Variants in SORCS1 observed in about 807,000 individuals in gnomAD.
The protein encoded by SORCS1 is sortilin related VPS10 domain containing receptor 1, also known as VPS10 domain-containing receptor SorCS1.
SORCS1 carries 60 observed loss-of-function variants against 146.1 expected under a neutral mutation model. The ratio of observed to expected loss-of-function variants is 0.41; its 90% CI spans 0.33 to 0.51. SORCS1 has a LOEUF of 0.51. SORCS1 is among the 20% of genes least tolerant of loss of function. The pLI, the probability that SORCS1 is intolerant of heterozygous loss-of-function variation, is 0.21. For synonymous variants in SORCS1, 637 were observed against 584.0 expected (o/e 1.09, Z -1.31); for missense variants, 1,352 against 1,487.6 (o/e 0.91, Z 1.50).
chr10:106,930,272 ACT>A (rs1471422825), intron 2 of SORCS1, among the ~76,000 whole-genome samples: 1 of 151,482 alleles, frequency 6.6e-6, no homozygotes. Context: ...ACAGAGCGAG[ACT>A]CTGTCTCTAA....
chr10:106,805,054 A>G (rs1229090667), intron 3 of SORCS1, among the ~76,000 whole-genome samples: 1 of 151,970 alleles, frequency 6.6e-6, no homozygotes, highest in Non-Finnish European at 1.5e-5. Flanking sequence ...ATAACCTTTT[A>G]AGCCCTCCTG....
intron 1 of SORCS1, among the ~76,000 whole-genome samples, chr10:107,079,184 C>T (rs1963130981): frequency 6.6e-6 from 1 of 151,598 alleles, no homozygotes; most frequent in Non-Finnish European, 1.5e-5. Context: ...TGAGATTGCG[C>T]CACTGCACTC....
chr10:106,664,397 C>T (rs1366210443), intron 17 of SORCS1, among the ~76,000 whole-genome samples: 1 of 152,156 alleles, frequency 6.6e-6, no homozygotes, highest in African/African-American at 2.4e-5. Flanking sequence ...AATCCCAGCA[C>T]TTTGGGAGGC....
rs192312970 is a variant in SORCS1, at chr10:106,923,111, G to A, written c.626+33402C>T. On this transcript the variant is annotated intron_variant, in intron 2 of 25. Transcript: ENST00000263054. ...TCACGATGTTGGCCAGGATGGTCTCGATCTCTTGACCTCGTGATCCGCCCG... is the reference window on the plus strand; with the variant it reads ...TCACGATGTTGGCCAGGATGGTCTCAATCTCTTGACCTCGTGATCCGCCCG... Among the ~76,000 whole-genome samples, 837 of 152,186 alleles carry A rather than the reference G, an allele frequency of 5.5e-3. 5 individuals are homozygous for A. Among genetic ancestry groups the A allele is most frequent in the Middle Eastern group, 0.014 (4 of 294 alleles).
chr10:106,827,166 A>T lies in SORCS1; in HGVS notation c.726+2408T>A, dbSNP rs1948342166. On this transcript the variant is annotated intron_variant, in intron 3 of 25. Transcript: ENST00000263054. ...TCTGGATCATCACCATATATTCTGC[A>T]GCTACAGAAAAGCCTATAGTCAGAT... 2.0e-5 allele frequency among the ~76,000 whole-genome samples: 3 copies of T among 150,088 alleles called. No individual in the cohort carries two copies. The South Asian group carries it at 6.3e-4, about 32-fold the overall frequency.
chr10:106,775,645 A>G (rs931952074), intron 4 of SORCS1, among the ~76,000 whole-genome samples: 1 of 152,216 alleles, frequency 6.6e-6, no homozygotes, highest in Admixed American at 6.5e-5. Flanking sequence ...TTTCTAATTC[A>G]TGATCCCTCT....
intron 18 of SORCS1, among the ~76,000 whole-genome samples, chr10:106,643,458 AG>A (rs1297055636): frequency 6.6e-6 from 1 of 152,232 alleles, no homozygotes; most frequent in East Asian, 1.9e-4. Context: ...TTTTTCTGCA[AG>A]GAGGAGTCTG....
At chr10:106,726,570 C>T (rs1479295603) in intron 6 of SORCS1, among the ~76,000 whole-genome samples, 2 of 151,872 alleles carry the variant, frequency 1.3e-5, no homozygotes, top group African/African-American at 4.8e-5. Flanking sequence ...GCGTCATGTG[C>T]ATTGGATGCC....
chr10:106,577,368 A>G lies in SORCS1; in HGVS notation c.*52T>C, dbSNP rs1186083956. 1 of 1,612,982 alleles carries G rather than the reference A, an allele frequency of 6.2e-7. No individual in the cohort carries two copies. Among genetic ancestry groups the G allele is most frequent in the Non-Finnish European group, 8.5e-7 (1 of 1,179,340 alleles). On this transcript the variant is annotated 3_prime_UTR_variant, in exon 26 of 26. Coordinates refer to ENST00000263054, the MANE Select transcript of SORCS1 (RefSeq NM_052918.5). ...CATGAAGGATGATGTACTTGACAAGAGCGAAATTCTTTCCTGATCAGCAGG... is the reference window on the plus strand; with the variant it reads ...CATGAAGGATGATGTACTTGACAAGGGCGAAATTCTTTCCTGATCAGCAGG...
intron 2 of SORCS1, among the ~76,000 whole-genome samples, chr10:106,872,661 A>G (rs1950453841): frequency 6.6e-6 from 1 of 152,210 alleles, no homozygotes; most frequent in Non-Finnish European, 1.5e-5. Context: ...AAGCTTTACC[A>G]ATATAAGCAG....
At chr10:106,748,967 A>T (rs932960875) in intron 5 of SORCS1, among the ~76,000 whole-genome samples, 12 of 152,238 alleles carry the variant, frequency 7.9e-5, no homozygotes, top group African/African-American at 2.9e-4. Context: ...TTTTGGGGAA[A>T]GTTATTTATC....
At chr10:106,978,570 C>G (rs1017576629) in intron 1 of SORCS1, among the ~76,000 whole-genome samples, 2 of 152,022 alleles carry the variant, frequency 1.3e-5, no homozygotes, top group African/African-American at 4.8e-5. Context: ...GAGGCCGAGG[C>G]AGGCAGATCA....
chr10:106,833,211 C>A (rs1415879721), intron 2 of SORCS1, among the ~76,000 whole-genome samples: 1 of 152,126 alleles, frequency 6.6e-6, no homozygotes, highest in South Asian at 2.1e-4. Flanking sequence ...TTTTTTGGTG[C>A]CATCACTTGT....
intron 4 of SORCS1, among the ~76,000 whole-genome samples, chr10:106,773,152 A>T (rs573469558): frequency 6.6e-6 from 1 of 152,362 alleles, no homozygotes; most frequent in Non-Finnish European, 1.5e-5. Flanking sequence ...GATAATACTA[A>T]GTAAGATCCT....
chr10:106,976,620 C>T (rs562571220), intron 1 of SORCS1, among the ~76,000 whole-genome samples: 3 of 151,750 alleles, frequency 2.0e-5, no homozygotes, highest in East Asian at 1.9e-4. Context: ...CGTGAGCCAC[C>T]GCGCCCGGCT....
At chr10:106,873,920 G>A (rs1950508686) in intron 2 of SORCS1, among the ~76,000 whole-genome samples, 1 of 152,206 alleles carries the variant, frequency 6.6e-6, no homozygotes, top group Admixed American at 6.5e-5. Flanking sequence ...AGTCGCCAAT[G>A]CAGGTTTTGC....
intron 2 of SORCS1, among the ~76,000 whole-genome samples, chr10:106,874,359 A>C (rs1480541141): frequency 6.6e-6 from 1 of 152,234 alleles, no homozygotes; most frequent in Non-Finnish European, 1.5e-5. Context: ...ACAAATTATT[A>C]TGACATTCAT....
chr10:107,133,225 T>G (rs1967000071), intron 1 of SORCS1, among the ~76,000 whole-genome samples: 1 of 152,190 alleles, frequency 6.6e-6, no homozygotes, highest in Admixed American at 6.5e-5. Context: ...AACTGCACTG[T>G]GAACGAAGGT....
intron 24 of SORCS1, among the ~76,000 whole-genome samples, chr10:106,585,448 G>C (rs1429671841): frequency 6.6e-6 from 1 of 152,074 alleles, no homozygotes; most frequent in Non-Finnish European, 1.5e-5. Flanking sequence ...ACACACAAAT[G>C]TTCCCCTTTG....
Sources: allele counts gnomAD v4.1 joint callset (sites outside exome capture counted in the v4.1 genomes callset), GRCh38; gene constraint gnomAD v4.1.1; transcripts MANE v1.5; gene names NCBI Gene and HGNC (gene_info 2026-07-23, HGNC 2026-07-21).